The following GSE1 variants were observed in gnomAD, a reference collection of about 807,000 sequenced individuals.
GSE1 encodes the protein genetic suppressor element 1.
In GSE1, 32 loss-of-function variants were observed where a neutral mutation model predicts 112.6. The ratio of observed to expected loss-of-function variants is 0.28; its 90% CI spans 0.21 to 0.38. GSE1 has a LOEUF of 0.38. Ranked by LOEUF, GSE1 falls within the 10% of genes least tolerant of loss-of-function variation. GSE1 has a pLI of 1.00. For synonymous variants in GSE1, 1,115 were observed against 735.6 expected (o/e 1.52, Z -8.35); for missense variants, 2,348 against 1,699.2 (o/e 1.38, Z -6.71).
Position 85,672,434 on chromosome 16 carries a change from C to G in GSE1, c.3549C>G (p.Val1183=), listed in dbSNP as rs758329963. 3.8e-5 allele frequency: 61 copies of G among 1,611,880 alleles called. No homozygotes were observed. The South Asian group carries it at 6.3e-4, about 17-fold the overall frequency. Residue 1183 remains valine, a synonymous_variant, in exon 16 of 16, where the codon GTC becomes GTG. Coordinates refer to ENST00000253458, the MANE Select transcript of GSE1 (RefSeq NM_014615.5). ...TGAGGAGCCAGAAACAGAAGATGGT[C>G]TCAGAAAGGGAGCGGCTCCAGGCAG... ...AELRSQKQKM[V]SERERLQAEL...
At chr16:85,461,097 T>A (rs1007552625) in intron 2 of GSE1, among the ~76,000 whole-genome samples, 3 of 152,212 alleles carry the variant, frequency 2.0e-5, no homozygotes, top group Non-Finnish European at 4.4e-5. Flanking sequence ...GGGCAAGCCC[T>A]GAGCTGGGCG....
chr16:85,541,117 G>A (rs1249769730), intron 2 of GSE1, among the ~76,000 whole-genome samples: 3 of 152,136 alleles, frequency 2.0e-5, no homozygotes, highest in Admixed American at 6.5e-5. Flanking sequence ...CGCAGTCAGG[G>A]TGGGAGTAGG....
chr16:85,229,282 C>T (rs369559522), intron 1 of GSE1, among the ~76,000 whole-genome samples: 190 of 152,336 alleles, frequency 1.2e-3, no homozygotes, highest in Non-Finnish European at 2.0e-3. Flanking sequence ...AGCGGCAGGC[C>T]GGAGCCAGCT....
In GSE1 at chr16:85,675,199, T is replaced by A. The variant is rs1204144843; in HGVS notation, c.*2660T>A. ...TACTTCACACTGAGTACCTCAAATCTGCTCTGGAGTCGATTATGCCACCTG... is the reference window on the plus strand; with the variant it reads ...TACTTCACACTGAGTACCTCAAATCAGCTCTGGAGTCGATTATGCCACCTG... On this transcript the variant is annotated 3_prime_UTR_variant, in exon 16 of 16. Coordinates refer to ENST00000253458, the MANE Select transcript of GSE1 (RefSeq NM_014615.5). 1 of 152,226 alleles carries A rather than the reference T, an allele frequency of 6.6e-6. No homozygotes were observed. Among genetic ancestry groups the A allele is most frequent in the Non-Finnish European group, 1.5e-5 (1 of 68,034 alleles). The allele number at this position is 152,226 out of a possible 1,614,324, so 9.4% of individuals were successfully genotyped here. A position where few individuals can be genotyped will look rare whatever the true frequency, so the allele number is the denominator to read the frequency against.
exon 1 of GSE1, chr16:85,171,642 C>T: frequency 1.0e-6 from 1 of 985,446 alleles, no homozygotes; most frequent in Non-Finnish European, 1.2e-6. Flanking sequence ...CCCGGCTGCC[C>T]CTGTTCCTAT....
intron 1 of GSE1, among the ~76,000 whole-genome samples, chr16:85,208,677 T>C (rs1056768110): frequency 2.0e-5 from 3 of 151,714 alleles, no homozygotes; most frequent in Non-Finnish European, 4.4e-5. Flanking sequence ...TTTTTTTTTT[T>C]GAATGACTTT....
At chr16:85,639,191 G>A (rs1047238978) in intron 2 of GSE1, among the ~76,000 whole-genome samples, 2 of 152,174 alleles carry the variant, frequency 1.3e-5, no homozygotes, top group South Asian at 2.1e-4. Context: ...CCAAAGGGAC[G>A]TCCCCGGGGC....
chr16:85,613,915 C>T (rs1164610632), intron 1 of GSE1, among the ~76,000 whole-genome samples: 9 of 150,214 alleles, frequency 6.0e-5, no homozygotes, highest in African/African-American at 9.8e-5. Context: ...TTGTCTTGCT[C>T]CCCTCCCCCT....
intron 2 of GSE1, among the ~76,000 whole-genome samples, chr16:85,494,209 G>A (rs2051099200): frequency 6.6e-6 from 1 of 152,230 alleles, no homozygotes; most frequent in East Asian, 1.9e-4. Context: ...CATCAGCAGG[G>A]CCGTGCTCCC....
At chr16:85,479,375 G>A (rs899626878) in intron 2 of GSE1, among the ~76,000 whole-genome samples, 1 of 150,918 alleles carries the variant, frequency 6.6e-6, no homozygotes, top group Non-Finnish European at 1.5e-5. Context: ...CATCATGTTG[G>A]CCAGGCTGGT....
At chr16:85,393,695 T>C (rs558407848) in intron 2 of GSE1, among the ~76,000 whole-genome samples, 1 of 152,230 alleles carries the variant, frequency 6.6e-6, no homozygotes, top group Non-Finnish European at 1.5e-5. Context: ...GCAGGGGACC[T>C]GCACCCAGGA....
At chr16:85,494,984 A>G (rs2051124914) in intron 2 of GSE1, among the ~76,000 whole-genome samples, 1 of 147,052 alleles carries the variant, frequency 6.8e-6, no homozygotes, top group Non-Finnish European at 1.5e-5. Context: ...GAGGTCAACC[A>G]CTGGGCACAG....
At chr16:85,361,884 TTATCA>T (rs1183189354) in intron 2 of GSE1, among the ~76,000 whole-genome samples, 48 of 152,350 alleles carry the variant, frequency 3.2e-4, no homozygotes, top group African/African-American at 9.6e-4. Context: ...CCCACAGAGC[TTATCA>T]GACTTGCGTC....
upstream of GSE1, chr16:85,613,140 A>G (rs1461804019): frequency 5.6e-6 from 7 of 1,249,574 alleles, no homozygotes; most frequent in South Asian, 1.3e-4. Context: ...GAAACCCGAC[A>G]CCTCCCGCTG....
At chr16:85,637,724 C>G (rs55733612) in intron 2 of GSE1, among the ~76,000 whole-genome samples, 31,327 of 151,298 alleles carry the variant, frequency 0.21, 3,901 homozygotes, top group Non-Finnish European at 0.28. Context: ...GACCCCTGCC[C>G]CGCAGGTGTA....
chr16:85,374,040 CTGTG>C lies in GSE1; in HGVS notation c.2464+16400_2464+16403del, dbSNP rs1319119109. Among the ~76,000 whole-genome samples, 4 of 152,280 alleles carry C rather than the reference CTGTG, an allele frequency of 2.6e-5. No homozygotes were observed. In the East Asian group the frequency reaches 7.7e-4, roughly 29 times the overall value. Reference sequence around the variant, plus strand: ...TTCACATGAATCTGTGTACCTGTGTCTGTGTGCACATGTGGTTCTCAGTGTGTAT... The same window carrying C: ...TTCACATGAATCTGTGTACCTGTGTCTGCACATGTGGTTCTCAGTGTGTAT... On this transcript the variant is annotated intron_variant, in intron 2 of 2. Transcript: ENST00000637419.
chr16:85,305,815 C>T (rs1167887618), intron 1 of GSE1, among the ~76,000 whole-genome samples: 5 of 152,118 alleles, frequency 3.3e-5, no homozygotes, highest in South Asian at 2.1e-4. Flanking sequence ...GTGGACCGCA[C>T]ATGGTGTCTC....
chr16:85,200,999 A>G (rs573412878), intron 1 of GSE1, among the ~76,000 whole-genome samples: 4 of 152,138 alleles, frequency 2.6e-5, no homozygotes, highest in Admixed American at 6.5e-5. Flanking sequence ...AGTGTCTAGA[A>G]CAGAACGAAG....
At chr16:85,466,305 G>A (rs2050118552) in intron 2 of GSE1, among the ~76,000 whole-genome samples, 1 of 152,228 alleles carries the variant, frequency 6.6e-6, no homozygotes, top group Non-Finnish European at 1.5e-5. Flanking sequence ...TGCCACGCAG[G>A]CGTGGTGATG....
Sources: gnomAD v4.1 joint callset for allele counts (sites outside exome capture counted in the v4.1 genomes callset) on GRCh38, gnomAD v4.1.1 for gene constraint, MANE v1.5 for transcripts, NCBI Gene and HGNC (gene_info 2026-07-23, HGNC 2026-07-21) for gene names.